ADAM32: variants seen among roughly 807,000 people sequenced by gnomAD.
ADAM32 encodes the protein disintegrin and metalloproteinase domain-containing protein 32.
Under a neutral mutation model 114.9 loss-of-function variants are expected in ADAM32, and 89 were observed. The ratio of observed to expected loss-of-function variants is 0.77; its 90% CI spans 0.65 to 0.92. The LOEUF is 0.92. Among genes scored for constraint, ADAM32 ranks in the 40% least tolerant of loss-of-function variants. The pLI is 0.00. For synonymous variants in ADAM32, 285 were observed against 307.5 expected (o/e 0.93, Z 0.77); for missense variants, 870 against 932.8 (o/e 0.93, Z 0.88).
intron 11 of ADAM32, among the ~76,000 whole-genome samples, chr8:39,196,462 G>C (rs1807002293): frequency 6.6e-6 from 1 of 152,128 alleles, no homozygotes. Flanking sequence ...TAGGGTGTTA[G>C]CTGTGGGTTT....
chr8:39,245,281 C>T (rs1041925234), intron 16 of ADAM32, among the ~76,000 whole-genome samples: 3 of 151,876 alleles, frequency 2.0e-5, no homozygotes, highest in African/African-American at 7.3e-5. Context: ...GAGAATGATA[C>T]AATAGACTTT....
chr8:39,270,854 G>A (rs763532242), intron 19 of ADAM32, 22 bp from the exon 20 acceptor site: 1 of 1,598,554 alleles, frequency 6.3e-7, no homozygotes, highest in Non-Finnish European at 8.6e-7. Context: ...ACTAACATGA[G>A]ACATTTTCAA....
chr8:39,112,768 A>G (rs1048418918), intron 1 of ADAM32, among the ~76,000 whole-genome samples: 4 of 152,168 alleles, frequency 2.6e-5, no homozygotes, highest in Non-Finnish European at 5.9e-5. Flanking sequence ...GATACACTGA[A>G]AGGGTTTAAA....
At chr8:39,108,054 C>G in intron 1 of ADAM32, 1 of 522,506 alleles carries the variant, frequency 1.9e-6, no homozygotes, top group Non-Finnish European at 3.1e-6. Context: ...GAGACTGAGG[C>G]GAGCTGATTG....
At chr8:39,174,069 C>A (rs1213542268) in intron 10 of ADAM32, among the ~76,000 whole-genome samples, 3 of 152,372 alleles carry the variant, frequency 2.0e-5, no homozygotes, top group South Asian at 2.1e-4. Flanking sequence ...ATGTGATGCA[C>A]CTGCCCTGGC....
At position 39,241,690 on chromosome 8, in the gene ADAM32, G is replaced by A. The variant is rs1037995212; in HGVS notation, c.1819-4393G>A. On this transcript the variant is annotated intron_variant, in intron 16 of 24. Coordinates refer to ENST00000379907, the MANE Select transcript of ADAM32 (RefSeq NM_145004.7). ...GCACCAAGTCCCTAAACTGCACACA[G>A]CAGAGGGACCGTGGGCCTGGCCCAC... 2.4e-4 allele frequency among the ~76,000 whole-genome samples: 37 copies of A among 152,328 alleles called. 1 individual carries two copies. The highest frequency in any genetic ancestry group is 8.7e-4 in the African/African-American group (36 of 41,588).
intron 2 of ADAM32, among the ~76,000 whole-genome samples, chr8:39,135,946 T>C (rs532756076): frequency 6.6e-6 from 1 of 152,354 alleles, no homozygotes; most frequent in East Asian, 1.9e-4. Context: ...TTGATCTGTA[T>C]GGTACCCTGG....
chr8:39,149,865 A>C lies in ADAM32; in HGVS notation c.351A>C (p.Leu117=). ...SMVTLSTCSG[L]RGILQFENVS... ...TCACACTCAGCACGTGCTCTGGACT[A>C]AGGTTGTTTTCTGTTGTTGATTACA... The change falls in exon 5 of 25, where the codon CTA becomes CTC. Residue 117 remains leucine, a splice_region_variant and synonymous_variant. Coordinates refer to ENST00000379907, the MANE Select transcript of ADAM32 (RefSeq NM_145004.7). The C allele has an allele frequency of 6.2e-7, 1 of 1,606,686 alleles. No individual in the cohort carries two copies. Among genetic ancestry groups the C allele is most frequent in the South Asian group, 1.1e-5 (1 of 89,966 alleles).
At chr8:39,194,829 C>G (rs1040548277) in intron 11 of ADAM32, among the ~76,000 whole-genome samples, 1 of 152,198 alleles carries the variant, frequency 6.6e-6, no homozygotes, top group African/African-American at 2.4e-5. Context: ...TAAGCCTAGG[C>G]AGATGGGTGA....
intron 11 of ADAM32, among the ~76,000 whole-genome samples, chr8:39,204,106 T>G (rs530893393): frequency 6.6e-6 from 1 of 152,226 alleles, no homozygotes; most frequent in South Asian, 2.1e-4. Context: ...GACAATTATG[T>G]GTCTTGGAGT....
chr8:39,159,257 TCAC>T (rs1804339014), intron 6 of ADAM32, among the ~76,000 whole-genome samples: 1 of 152,222 alleles, frequency 6.6e-6, no homozygotes, highest in African/African-American at 2.4e-5. Context: ...TGTTTAGTAG[TCAC>T]CAAGTGATTT....
intron 2 of ADAM32, among the ~76,000 whole-genome samples, chr8:39,123,212 C>A (rs1447568410): frequency 6.6e-6 from 1 of 152,138 alleles, no homozygotes; most frequent in Non-Finnish European, 1.5e-5. Flanking sequence ...ATCTAGCTGG[C>A]TTTCTTTGCA....
chr8:39,115,539 T>C (rs1210373726), intron 1 of ADAM32, among the ~76,000 whole-genome samples: 1 of 152,142 alleles, frequency 6.6e-6, no homozygotes, highest in Non-Finnish European at 1.5e-5. Context: ...TGGCCACATG[T>C]ATGTTTTATT....
At chr8:39,240,032 C>A (rs1327644349) in intron 16 of ADAM32, among the ~76,000 whole-genome samples, 1 of 152,082 alleles carries the variant, frequency 6.6e-6, no homozygotes, top group African/African-American at 2.4e-5. Flanking sequence ...GACAGAAGGT[C>A]AACAAAGAAA....
chr8:39,206,622 G>A (rs779623642), intron 11 of ADAM32, among the ~76,000 whole-genome samples: 19 of 152,218 alleles, frequency 1.2e-4, no homozygotes, highest in Middle Eastern at 3.2e-3. Context: ...GGGAGCATTT[G>A]TTTGGTTCCC....
At chr8:39,141,757 G>A (rs1270933311) in intron 3 of ADAM32, among the ~76,000 whole-genome samples, 1 of 152,092 alleles carries the variant, frequency 6.6e-6, no homozygotes, top group South Asian at 2.1e-4. Context: ...TTAACCTTCT[G>A]TCTTGTTGAT....
chr8:39,223,419 G>A, intron 14 of ADAM32, 181 bp downstream of exon 14: 1 of 296,546 alleles, frequency 3.4e-6, no homozygotes, highest in Non-Finnish European at 5.9e-6. Flanking sequence ...TATAAAATGT[G>A]GAATATATAT....
chr8:39,207,364 A>G lies in ADAM32; in HGVS notation c.1053-3780A>G, dbSNP rs575109655. On this transcript the variant is annotated intron_variant, in intron 11 of 24. Transcript: ENST00000379907. ...ATATATCATTTTGATAATTTGATTT[A>G]TATATACTTTTTAAAAGTGACAACT... 2.0e-5 allele frequency among the ~76,000 whole-genome samples: 3 copies of G among 152,198 alleles called. No homozygotes were observed. The South Asian group carries it at 6.2e-4, about 32-fold the overall frequency.
chr8:39,158,292 G>C, intron 6 of ADAM32: 1 of 135,172 alleles, frequency 7.4e-6, no homozygotes, highest in South Asian at 1.6e-4. Flanking sequence ...TCCTCACCCT[G>C]CAGTTTCTTG....
Sources: allele counts gnomAD v4.1 joint callset (sites outside exome capture counted in the v4.1 genomes callset), GRCh38; gene constraint gnomAD v4.1.1; transcripts MANE v1.5; gene names NCBI Gene and HGNC (gene_info 2026-07-23, HGNC 2026-07-21).